The following CFAP299 variants were observed in gnomAD, a reference collection of about 807,000 sequenced individuals.
CFAP299 encodes cilia and flagella associated protein 299.
Under a neutral mutation model 27.0 loss-of-function variants are expected in CFAP299, and 21 were observed. The ratio of observed to expected loss-of-function variants is 0.78; its 90% CI spans 0.55 to 1.12. CFAP299 has a LOEUF of 1.12. CFAP299 is among the 50% of genes most tolerant of loss of function. CFAP299 has a pLI of 0.00. For synonymous variants in CFAP299, 104 were observed against 98.1 expected, an observed-to-expected ratio of 1.06 and a Z score of -0.36; for missense variants, 310 against 276.6, an observed-to-expected ratio of 1.12 and a Z score of -0.86.
chr4:80,682,915 G>A (rs752645014), intron 3 of CFAP299, among the ~76,000 whole-genome samples: 2 of 152,062 alleles, frequency 1.3e-5, no homozygotes, highest in Non-Finnish European at 2.9e-5. Context: ...GAACAGATTG[G>A]TACCAAGCAC....
intron 2 of CFAP299, among the ~76,000 whole-genome samples, chr4:80,553,236 C>T (rs546136142): frequency 3.3e-5 from 5 of 152,246 alleles, no homozygotes; most frequent in Admixed American, 3.3e-4. Flanking sequence ...TAAATGAGAA[C>T]ATGCAGTATT....
intron 3 of CFAP299, among the ~76,000 whole-genome samples, chr4:80,622,666 T>A (rs61575763): frequency 0.051 from 7,729 of 152,106 alleles, 574 homozygotes; most frequent in African/African-American, 0.16. Flanking sequence ...TCAAATAATA[T>A]CAGTGAAAGA....
intron 4 of CFAP299, among the ~76,000 whole-genome samples, chr4:80,900,690 T>A (rs1734844239): frequency 6.6e-6 from 1 of 151,884 alleles, no homozygotes; most frequent in African/African-American, 2.4e-5. Context: ...TAATTCAAAT[T>A]TATATGGCAG....
chr4:80,644,035 A>G (rs899875709), intron 3 of CFAP299, among the ~76,000 whole-genome samples: 5 of 152,190 alleles, frequency 3.3e-5, no homozygotes, highest in Non-Finnish European at 5.9e-5. Flanking sequence ...TGAATGCATC[A>G]TAGTGTTTCC....
At chr4:80,741,154 A>C (rs1458303033) in intron 3 of CFAP299, among the ~76,000 whole-genome samples, 1 of 151,256 alleles carries the variant, frequency 6.6e-6, no homozygotes, top group Non-Finnish European at 1.5e-5. Context: ...TTACTGTTTC[A>C]CTCCTGAACA....
At chr4:80,390,693 G>GTA (rs1560543423) in intron 2 of CFAP299, among the ~76,000 whole-genome samples, 1 of 93,818 alleles carries the variant, frequency 1.1e-5, no homozygotes. Context: ...ACACATATAT[G>GTA]TGTATATATG....
intron 2 of CFAP299, among the ~76,000 whole-genome samples, chr4:80,525,952 G>A (rs1485984157): frequency 1.3e-5 from 2 of 152,096 alleles, no homozygotes; most frequent in African/African-American, 4.8e-5. Flanking sequence ...AATTAATTAA[G>A]GGCTTTTAAT....
chr4:80,520,844 A>G (rs940859764), intron 2 of CFAP299, among the ~76,000 whole-genome samples: 2 of 152,188 alleles, frequency 1.3e-5, no homozygotes, highest in Non-Finnish European at 1.5e-5. Flanking sequence ...TATTCCACAA[A>G]TAATTTAAGA....
intron 2 of CFAP299, among the ~76,000 whole-genome samples, chr4:80,456,132 G>A (rs1267545581): frequency 1.3e-5 from 2 of 152,096 alleles, no homozygotes; most frequent in Non-Finnish European, 2.9e-5. Context: ...CAAGCCATGA[G>A]ATAGTTAGGA....
chr4:80,349,148 C>T (rs903273702), intron 1 of CFAP299, among the ~76,000 whole-genome samples: 1 of 152,192 alleles, frequency 6.6e-6, no homozygotes, highest in African/African-American at 2.4e-5. Context: ...AAGCTGGCAC[C>T]TTTAGTCACA....
At chr4:80,383,001 T>C (rs1724786864) in intron 2 of CFAP299, among the ~76,000 whole-genome samples, 1 of 152,064 alleles carries the variant, frequency 6.6e-6, no homozygotes, top group Admixed American at 6.5e-5. Context: ...TATGCAGACA[T>C]AAAAAATAAT....
intron 3 of CFAP299, among the ~76,000 whole-genome samples, chr4:80,789,873 T>C (rs919019056): frequency 6.6e-6 from 1 of 152,066 alleles, no homozygotes; most frequent in Non-Finnish European, 1.5e-5. Flanking sequence ...TATTTTGCTG[T>C]CATAGACCAC....
intron 3 of CFAP299, among the ~76,000 whole-genome samples, chr4:80,641,565 C>T (rs755231079): frequency 1.3e-5 from 2 of 152,060 alleles, no homozygotes; most frequent in Non-Finnish European, 2.9e-5. Context: ...TACATTTTGC[C>T]CTATTTATCA....
intron 3 of CFAP299, among the ~76,000 whole-genome samples, chr4:80,706,305 G>T (rs890660411): frequency 6.6e-6 from 1 of 151,480 alleles, no homozygotes; most frequent in African/African-American, 2.4e-5. Flanking sequence ...AAATGAGGAT[G>T]TTCCAGAACC....
intron 3 of CFAP299, among the ~76,000 whole-genome samples, chr4:80,744,236 T>G (rs1486326946): frequency 2.6e-5 from 4 of 152,142 alleles, no homozygotes; most frequent in Admixed American, 6.6e-5. Flanking sequence ...TTAACAGATG[T>G]GCTGCCACTG....
chr4:80,864,446 A>C (rs951551268), intron 3 of CFAP299, among the ~76,000 whole-genome samples: 11 of 146,498 alleles, frequency 7.5e-5, no homozygotes, highest in African/African-American at 2.5e-4. Context: ...ATATATATAT[A>C]TACCTATATA....
chr4:80,550,999 C>T (rs1379242145), intron 2 of CFAP299, among the ~76,000 whole-genome samples: 6 of 152,078 alleles, frequency 3.9e-5, no homozygotes, highest in African/African-American at 1.4e-4. Context: ...GGATAATTGA[C>T]ATGGGCCATG....
At chr4:80,589,648 A>C (rs1553937058) in intron 3 of CFAP299, among the ~76,000 whole-genome samples, 1 of 152,192 alleles carries the variant, frequency 6.6e-6, no homozygotes, top group Non-Finnish European at 1.5e-5. Context: ...ATAAACAGCC[A>C]ATTCAGGGAT....
At chr4:80,588,511 T>A (rs1378284346) in intron 3 of CFAP299, among the ~76,000 whole-genome samples, 1 of 150,996 alleles carries the variant, frequency 6.6e-6, no homozygotes, top group Non-Finnish European at 1.5e-5. Context: ...TCTTTAGTGT[T>A]ACATACCTGA....
Sources: gnomAD v4.1 joint callset for allele counts (sites outside exome capture counted in the v4.1 genomes callset) on GRCh38, gnomAD v4.1.1 for gene constraint, MANE v1.5 for transcripts, NCBI Gene and HGNC (gene_info 2026-07-23, HGNC 2026-07-21) for gene names.